EXO1: variants seen among roughly 807,000 people sequenced by gnomAD.
EXO1 encodes exonuclease 1.
Under a neutral mutation model 84.5 loss-of-function variants are expected in EXO1, and 69 were observed. That is an observed-to-expected ratio of 0.82 (90% CI 0.67 to 1.00). The LOEUF is 1.00. Among genes scored for constraint, EXO1 ranks in the 50% least tolerant of loss-of-function variants. EXO1 has a pLI of 0.00. For missense variants in EXO1, 1,045 were observed against 1,000.7 expected (o/e 1.04, Z -0.60); for synonymous variants, 373 against 366.1 (o/e 1.02, Z -0.21).
intron 12 of EXO1, among the ~76,000 whole-genome samples, chr1:241,876,045 T>C (rs1662385284): frequency 6.6e-6 from 1 of 152,032 alleles, no homozygotes; most frequent in Non-Finnish European, 1.5e-5. Context: ...TGAGAATGTT[T>C]GTGTGTCTCT....
chr1:241,877,318 C>T (rs907560333), intron 12 of EXO1, among the ~76,000 whole-genome samples: 7 of 152,222 alleles, frequency 4.6e-5, no homozygotes, highest in African/African-American at 1.7e-4. Flanking sequence ...TAACCCTGGG[C>T]ATTGTCACTA....
Position 241,878,753 on chromosome 1 carries a change from T to G in EXO1, c.1519T>G (p.Phe507Val), listed in dbSNP as rs554889380. 6.2e-7 allele frequency: 1 copy of G among 1,607,042 alleles called. No homozygotes were observed. Among genetic ancestry groups the G allele is most frequent in the African/African-American group, 1.3e-5 (1 of 74,788 alleles). Residue 507 changes from phenylalanine to valine, a missense_variant, in exon 13 of 16, where the codon TTT becomes GTT. Phe to Val is a conservative substitution (Grantham distance 50). Transcript: ENST00000366548. The stretch of plus-strand genomic sequence containing the variant: ...TTCTATTGCTTTTTTTATTAGGTTT[T>G]TTTGCAGTTCAGATTCTACTGACTG... ...VVVPGTRSRF[F>V]CSSDSTDCVS...
At chr1:241,884,524 A>G (rs1232050767) in intron 14 of EXO1, among the ~76,000 whole-genome samples, 1 of 152,250 alleles carries the variant, frequency 6.6e-6, no homozygotes, top group African/African-American at 2.4e-5. Flanking sequence ...AGAACAGGCA[A>G]CCTATTCAAA....
chr1:241,850,302 C>A, intron 3 of EXO1, 107 bp from the exon 4 acceptor site: 5 of 770,016 alleles, frequency 6.5e-6, no homozygotes, highest in Non-Finnish European at 1.1e-5. Context: ...AAACAACAAA[C>A]CAATTTCTGC....
chr1:241,854,183 G>A (rs1660825780), intron 6 of EXO1, among the ~76,000 whole-genome samples: 2 of 152,174 alleles, frequency 1.3e-5, no homozygotes, highest in Admixed American at 6.5e-5. Context: ...TGTTGCCCAG[G>A]CTGGAGTGCA....
At chr1:241,884,985 A>T (rs1662967692) in intron 14 of EXO1, among the ~76,000 whole-genome samples, 1 of 152,132 alleles carries the variant, frequency 6.6e-6, no homozygotes, top group African/African-American at 2.4e-5. Context: ...AGGCGAGCAG[A>T]TCACAAGGTC....
At chr1:241,875,652 T>G (rs369338390) in intron 12 of EXO1, among the ~76,000 whole-genome samples, 335 of 151,910 alleles carry the variant, frequency 2.2e-3, no homozygotes, top group African/African-American at 7.6e-3. Flanking sequence ...GCCAAGGCGG[T>G]CGGATCATGA....
intron 9 of EXO1, among the ~76,000 whole-genome samples, chr1:241,861,042 T>C (rs1156485555): frequency 6.6e-6 from 1 of 152,232 alleles, no homozygotes; most frequent in Non-Finnish European, 1.5e-5. Context: ...GGAAGAGCAT[T>C]CTGGGCATTT....
chr1:241,856,867 C>CA (rs1047736765), intron 6 of EXO1, among the ~76,000 whole-genome samples: 8 of 152,062 alleles, frequency 5.3e-5, no homozygotes, highest in African/African-American at 1.7e-4. Flanking sequence ...CTTGTCTCTA[C>CA]AAAAAATACA....
At chr1:241,856,767 A>C (rs898161394) in intron 6 of EXO1, among the ~76,000 whole-genome samples, 3 of 152,230 alleles carry the variant, frequency 2.0e-5, no homozygotes, top group Admixed American at 1.3e-4. Context: ...CAATGGCTGA[A>C]CGCTTACAAT....
intron 12 of EXO1, among the ~76,000 whole-genome samples, chr1:241,874,834 G>C (rs1626057): frequency 0.51 from 76,878 of 151,970 alleles, 19,740 homozygotes; most frequent in East Asian, 0.71. Flanking sequence ...TAAGTAACTC[G>C]TATTATGTTG....
intron 11 of EXO1, among the ~76,000 whole-genome samples, chr1:241,867,947 TA>T (rs925275562): frequency 2.6e-3 from 379 of 144,454 alleles, no homozygotes; most frequent in African/African-American, 8.2e-3. Flanking sequence ...TTTTAATTTC[TA>T]AAAAAAAAAA....
At chr1:241,875,654 G>A (rs531297616) in intron 12 of EXO1, among the ~76,000 whole-genome samples, 1 of 152,020 alleles carries the variant, frequency 6.6e-6, no homozygotes, top group African/African-American at 2.4e-5. Flanking sequence ...CAAGGCGGTC[G>A]GATCATGAGG....
Position 241,858,707 on chromosome 1 carries a change from GAT to G in EXO1, c.749_750del (p.Ile250SerfsTer39). 1 of 1,609,220 alleles carries G rather than the reference GAT, an allele frequency of 6.2e-7. No homozygotes were observed. The highest frequency in any genetic ancestry group is 8.5e-7 in the Non-Finnish European group (1 of 1,175,558). On this transcript the variant is annotated frameshift_variant, in exon 8 of 16. Transcript: ENST00000366548. LOFTEE classifies it high-confidence loss of function. The part of the protein sequence containing the change: ...CKVLRLANNP[D>X]IVKVIKKIGH... ...AGTCCTAAGACTAGCCAATAATCCA[GAT>G]ATAGTAAAGGTAAGAGTGATTTGCT...
chr1:241,860,906 T>C (rs1661346453), intron 9 of EXO1, among the ~76,000 whole-genome samples: 1 of 152,250 alleles, frequency 6.6e-6, no homozygotes, highest in South Asian at 2.1e-4. Context: ...CCGAGGCTCA[T>C]CCACTATGCA....
rs116475754 is a variant in EXO1 at position 241,869,843 on chromosome 1, T to A, written c.1268-2189T>A. ...CCTTCCTTCCTTTTTTGAGACTGTGTCACTGTGTCACCCAGGCTGGAGGGC... is the reference window on the plus strand; with the variant it reads ...CCTTCCTTCCTTTTTTGAGACTGTGACACTGTGTCACCCAGGCTGGAGGGC... On this transcript the variant is annotated intron_variant, in intron 11 of 15. Coordinates refer to ENST00000366548, the MANE Select transcript of EXO1 (RefSeq NM_130398.4). Among the ~76,000 whole-genome samples the A allele has an allele frequency of 8.9e-3, 1,319 of 148,420 alleles. 23 individuals are homozygous for A. The highest frequency in any genetic ancestry group is 0.031 in the African/African-American group (1,256 of 40,124).
chr1:241,871,062 A>C (rs369812895), intron 11 of EXO1, among the ~76,000 whole-genome samples: 316 of 151,890 alleles, frequency 2.1e-3, no homozygotes, highest in African/African-American at 7.3e-3. Flanking sequence ...CCAAATAACT[A>C]TGCTAATAAC....
Position 241,855,908 on chromosome 1 carries a change from C to G in EXO1, c.406-1437C>G, listed in dbSNP as rs564187799. On this transcript the variant is annotated intron_variant, in intron 6 of 15. Coordinates refer to ENST00000366548, the MANE Select transcript of EXO1 (RefSeq NM_130398.4). ...GCCAAGCCCACGCCCACCCGGAACT[C>G]CAGCTGGCCCGCAAGCACCGCGCGC... Among the ~76,000 whole-genome samples, 745 of 152,344 alleles carry G rather than the reference C, an allele frequency of 4.9e-3. 3 individuals carry two copies. The highest frequency in any genetic ancestry group is 0.017 in the African/African-American group (707 of 41,588).
At chr1:241,885,729 T>C in intron 15 of EXO1, 1 of 495,154 alleles carries the variant, frequency 2.0e-6, no homozygotes, top group Non-Finnish European at 3.6e-6. Context: ...GTTTTCAGTC[T>C]GGTTTTGGAG....
Sources: gnomAD v4.1 joint callset for allele counts (sites outside exome capture counted in the v4.1 genomes callset) on GRCh38, gnomAD v4.1.1 for gene constraint, MANE v1.5 for transcripts, NCBI Gene and HGNC (gene_info 2026-07-23, HGNC 2026-07-21) for gene names.